DRC8: variants seen among roughly 807,000 people sequenced by gnomAD.
DRC8 encodes dynein regulatory complex protein 8.
chr1:245,001,347 C>T, the DRC8 span, among the ~76,000 whole-genome samples: 1 of 152,108 alleles, frequency 6.6e-6, no homozygotes, highest in Non-Finnish European at 1.5e-5. Context: ...TTTATAAATG[C>T]CATGTTATAC....
chr1:245,001,688 C>T, the DRC8 span, among the ~76,000 whole-genome samples: 2 of 152,156 alleles, frequency 1.3e-5, no homozygotes, highest in African/African-American at 4.8e-5. Context: ...CATATTGTGC[C>T]CACCACTTTA....
the DRC8 span, chr1:245,087,381 G>T: frequency 1.3e-6 from 2 of 1,562,646 alleles, no homozygotes; most frequent in South Asian, 2.4e-5. Flanking sequence ...GATAATTTCT[G>T]ATTGAAAGAA....
At chr1:245,002,998 T>C in the DRC8 span, among the ~76,000 whole-genome samples, 2 of 152,210 alleles carry the variant, frequency 1.3e-5, no homozygotes, top group Admixed American at 6.5e-5. Flanking sequence ...TCTGCCTTAA[T>C]GAGTTTGAGC....
the DRC8 span, among the ~76,000 whole-genome samples, chr1:245,106,372 A>G: frequency 6.6e-6 from 1 of 152,236 alleles, no homozygotes; most frequent in Non-Finnish European, 1.5e-5. Flanking sequence ...GTTATAAGGA[A>G]AAAGATGATT....
chr1:244,994,719 C>T, the DRC8 span, among the ~76,000 whole-genome samples: 34 of 152,156 alleles, frequency 2.2e-4, no homozygotes, highest in Non-Finnish European at 3.8e-4. Flanking sequence ...TGAGCCCCTG[C>T]GCCTGGGACA....
chr1:245,088,798 G>A, the DRC8 span, among the ~76,000 whole-genome samples: 1 of 152,144 alleles, frequency 6.6e-6, no homozygotes, highest in Admixed American at 6.5e-5. The surrounding 1 kb of genome is among the most constrained non-coding windows in gnomAD (Gnocchi z 4.6). Context: ...CATTTCAGCA[G>A]GTGAGCAGCA....
chr1:245,116,038 G>A, the DRC8 span, among the ~76,000 whole-genome samples: 1 of 151,420 alleles, frequency 6.6e-6, no homozygotes, highest in South Asian at 2.1e-4. Flanking sequence ...AGGTACCATC[G>A]CCATGCCTGG....
At chr1:244,970,009 C>A in the DRC8 span, 3 of 550,594 alleles carry the variant, frequency 5.4e-6, no homozygotes, top group Non-Finnish European at 6.4e-6. Flanking sequence ...TCGAGCAACG[C>A]CACGTCGCAC....
the DRC8 span, among the ~76,000 whole-genome samples, chr1:244,986,744 CAAAA>C: frequency 5.3e-5 from 4 of 76,108 alleles, no homozygotes; most frequent in Admixed American, 1.5e-4. Context: ...GACCCTGTCT[CAAAA>C]AAAAAAAAAA....
chr1:245,113,270 C>T, the DRC8 span, among the ~76,000 whole-genome samples: 1 of 152,102 alleles, frequency 6.6e-6, no homozygotes, highest in Non-Finnish European at 1.5e-5. Context: ...TATGAGGTTC[C>T]CAGGCGCTCC....
chr1:244,993,617 A>G, the DRC8 span, among the ~76,000 whole-genome samples: 1 of 152,232 alleles, frequency 6.6e-6, no homozygotes, highest in Non-Finnish European at 1.5e-5. Flanking sequence ...CTGTAACAGG[A>G]TACCACAGAC....
the DRC8 span, among the ~76,000 whole-genome samples, chr1:245,081,417 T>TC: frequency 5.9e-5 from 9 of 152,120 alleles, no homozygotes; most frequent in Non-Finnish European, 1.0e-4. Flanking sequence ...CACCTCGGCC[T>TC]CCCAAAGTTC....
chr1:245,104,966 T>C, the DRC8 span, among the ~76,000 whole-genome samples: 1 of 152,218 alleles, frequency 6.6e-6, no homozygotes. Flanking sequence ...TTGTCTTTCA[T>C]TTGTTGAAGA....
chr1:245,004,199 G>A, the DRC8 span, among the ~76,000 whole-genome samples: 1 of 151,784 alleles, frequency 6.6e-6, no homozygotes, highest in Non-Finnish European at 1.5e-5. Flanking sequence ...ATAGGTGTGA[G>A]CCATGGTACC....
chr1:244,970,449 G>C, the DRC8 span: 5 of 1,528,374 alleles, frequency 3.3e-6, no homozygotes, highest in Admixed American at 4.0e-5. Flanking sequence ...GGAAGGTAAG[G>C]TAGGGGAGCC....
chr1:245,031,776 C>G, the DRC8 span, among the ~76,000 whole-genome samples: 5 of 152,078 alleles, frequency 3.3e-5, no homozygotes, highest in Non-Finnish European at 7.4e-5. Flanking sequence ...AGTTGGTTAA[C>G]AGGATGGCCC....
chr1:245,070,070 A>G, the DRC8 span, among the ~76,000 whole-genome samples: 1 of 152,132 alleles, frequency 6.6e-6, no homozygotes, highest in African/African-American at 2.4e-5. Context: ...CCAATAAAGT[A>G]TACAGAAGGA....
At chr1:245,002,132 C>G in the DRC8 span, 1 of 1,604,276 alleles carries the variant, frequency 6.2e-7, no homozygotes, top group Admixed American at 1.7e-5. Context: ...GCCTGGGATA[C>G]AACAGTGATG....
chr1:244,995,083 C>A, the DRC8 span, among the ~76,000 whole-genome samples: 2 of 151,936 alleles, frequency 1.3e-5, no homozygotes, highest in Non-Finnish European at 2.9e-5. Context: ...AGGTTCTCGG[C>A]CGGGCGCGGT....
Sources: gnomAD v4.1 joint callset for allele counts (sites outside exome capture counted in the v4.1 genomes callset) on GRCh38, gnomAD v4.1.1 for gene constraint, Gnocchi (gnomAD v3.1) non-coding constraint, MANE v1.5 for transcripts, NCBI Gene and HGNC (gene_info 2026-07-23, HGNC 2026-07-21) for gene names.